Variants in SIRT3 observed in about 807,000 individuals in gnomAD.
SIRT3 encodes sirtuin 3.
SIRT3 carries 26 observed loss-of-function variants against 33.5 expected under a neutral mutation model. The ratio of observed to expected loss-of-function variants is 0.78; its 90% confidence interval spans 0.57 to 1.08. The LOEUF (loss-of-function observed/expected upper bound fraction) is 1.08. Among genes scored for constraint, SIRT3 ranks in the 50% least tolerant of loss-of-function variants. The pLI is 0.00. For missense variants in SIRT3, 585 were observed against 530.1 expected, an observed-to-expected ratio of 1.10 and a Z score of -1.02; for synonymous variants, 237 against 222.1, an observed-to-expected ratio of 1.07 and a Z score of -0.60.
intron 5 of SIRT3, among the ~76,000 whole-genome samples, chr11:220,768 C>T (rs61481998): frequency 6.4e-4 from 94 of 146,350 alleles, no homozygotes; most frequent in Middle Eastern, 3.8e-3. Context: ...GGATATTCAC[C>T]ACAGCATTTA....
rs1386452385 is a variant in SIRT3 at position 233,410 on chromosome 11, C to A, written c.406G>T (p.Ala136Ser). Residue 136 changes from alanine (A) to serine (S), a missense_variant, in exon 2 of 7, where the codon GCC becomes TCC. Coordinates refer to ENST00000382743, the MANE Select transcript of SIRT3 (RefSeq NM_012239.6). ...QDVAELIRAR[A>S]CQRVVVMVGA... The stretch of plus-strand genomic sequence containing the variant: ...ACCATGACCACCACCCTCTGGCAGG[C>A]TCTGGCCCGAATCAGCTCAGCTACA... The A allele has an allele frequency of 6.2e-7, 1 of 1,614,098 alleles. No individual in the cohort carries two copies. Among genetic ancestry groups the A allele is most frequent in the East Asian group, 2.2e-5 (1 of 44,872 alleles).
chr11:219,397 C>T (rs775309182), intron 5 of SIRT3, among the ~76,000 whole-genome samples: 3 of 152,286 alleles, frequency 2.0e-5, no homozygotes, highest in Admixed American at 6.5e-5. Flanking sequence ...CCCAGCATGA[C>T]GCAGAGGGAC....
Position 233,158 on chromosome 11 carries a change from C to T in SIRT3, c.531G>A (p.Glu177=), listed in dbSNP as rs1193394545. Residue 177 remains glutamate (E), a synonymous_variant, in exon 3 of 7, where the codon GAG becomes GAA. Coordinates refer to ENST00000382743, the MANE Select transcript of SIRT3 (RefSeq NM_012239.6). ...NLQQYDLPYP[E]AIFELPFFFH... ...AGAAGAATGGGAGTTCAAAAATGGC[C>T]TCGGGGTACGGGAGATCGTACTGCT... 3 of 1,613,992 alleles carry T rather than the reference C, an allele frequency of 1.9e-6. No homozygotes were observed. Among genetic ancestry groups the T allele is most frequent in the Admixed American group, 1.7e-5 (1 of 59,978 alleles).
intron 5 of SIRT3, among the ~76,000 whole-genome samples, chr11:221,112 G>A (rs1856389824): frequency 6.6e-6 from 1 of 152,220 alleles, no homozygotes; most frequent in Non-Finnish European, 1.5e-5. Context: ...AGTAGATAAG[G>A]ATGATACACA....
intron 1 of SIRT3, 92 bp downstream of exon 1, chr11:235,956 A>C: frequency 4.4e-6 from 6 of 1,356,394 alleles, no homozygotes; most frequent in Non-Finnish European, 5.8e-6. Flanking sequence ...AAACTCCCAG[A>C]CATGCCGCAA....
chr11:216,517 G>T lies in SIRT3; in HGVS notation c.*181C>A, dbSNP rs544139712. On this transcript the variant is annotated 3_prime_UTR_variant, in exon 7 of 7. Transcript: ENST00000382743. ...CGGGGTGGCCCTGACTGTAAACACA[G>T]CCCTACCAGTCACTGCAGCTCATGG... is the stretch of plus-strand genomic sequence containing the variant. 20 of 669,190 alleles carry T rather than the reference G, an allele frequency of 3.0e-5. No homozygotes were observed. In the South Asian group the frequency reaches 3.3e-4, roughly 11 times the overall value. 41.5% of individuals were successfully genotyped at this position (669,190 alleles called of 1,614,324 possible).
intron 4 of SIRT3, among the ~76,000 whole-genome samples, chr11:226,350 G>A (rs1469589652): frequency 6.6e-6 from 1 of 152,088 alleles, no homozygotes; most frequent in African/African-American, 2.4e-5. Flanking sequence ...GGTTTCTCTG[G>A]GGTTCCCTTG....
chr11:233,733 G>A, intron 1 of SIRT3, 199 bp from the exon 2 acceptor site: 1 of 589,422 alleles, frequency 1.7e-6, no homozygotes, highest in Non-Finnish European at 2.9e-6. Flanking sequence ...CAGAAATCAA[G>A]ACTTACTTGG....
intron 4 of SIRT3, among the ~76,000 whole-genome samples, chr11:227,897 C>A (rs1197090300): frequency 6.6e-6 from 1 of 152,224 alleles, no homozygotes; most frequent in African/African-American, 2.4e-5. Context: ...GCTGGAATTA[C>A]AGGCGTGAGC....
intron 4 of SIRT3, chr11:225,610 A>G (rs1204404257): frequency 1.3e-5 from 2 of 149,626 alleles, no homozygotes; most frequent in East Asian, 2.4e-4. Flanking sequence ...GAAACACTCA[A>G]TGGAAGGACC....
chr11:236,162 GC>G lies in SIRT3; in HGVS notation c.166del (p.Ala56ProfsTer73). ...VSAGLRGSHG[A>X]RGEPLDPARP... ...CGCCGGGTCCAAGGGCTCACCGCGGGCCCCATGGCTGCCTCTCAGCCCCGCA... is the reference window on the plus strand; with the variant it reads ...CGCCGGGTCCAAGGGCTCACCGCGGGCCCATGGCTGCCTCTCAGCCCCGCA... On this transcript the variant is annotated frameshift_variant, in exon 1 of 7. Coordinates refer to ENST00000382743, the MANE Select transcript of SIRT3 (RefSeq NM_012239.6). LOFTEE classifies it high-confidence loss of function. The G allele has an allele frequency of 6.4e-7, 1 of 1,566,756 alleles. No individual in the cohort carries two copies. The highest frequency in any genetic ancestry group is 1.7e-4 in the Middle Eastern group (1 of 5,998).
rs1859085616 is a variant in SIRT3, at chr11:236,246, A to C, written c.83T>G (p.Val28Gly). The stretch of plus-strand genomic sequence containing the variant: ...ACAGCCGCAGGCCTGAAACGGCCCC[A>C]CGCCTCCCCCGGCCTCGACCCGTTC... ...VVERVEAGGGVGPFQACGCRL... is the reference protein window; with the variant it reads ...VVERVEAGGGGGPFQACGCRL... Residue 28 changes from valine (V) to glycine (G), a missense_variant, in exon 1 of 7, where the codon GTG becomes GGG. Coordinates refer to ENST00000382743, the MANE Select transcript of SIRT3 (RefSeq NM_012239.6). 5 of 1,550,462 alleles carry C rather than the reference A, an allele frequency of 3.2e-6. No individual in the cohort carries two copies. The highest frequency in any genetic ancestry group is 4.3e-6 in the Non-Finnish European group (5 of 1,152,186).
intron 3 of SIRT3, among the ~76,000 whole-genome samples, chr11:232,157 G>A (rs1017833835): frequency 6.6e-6 from 1 of 151,516 alleles, no homozygotes; most frequent in Non-Finnish European, 1.5e-5. Flanking sequence ...TCCCTCTGTC[G>A]CCCAGGCTGG....
chr11:233,222 G>C lies in SIRT3; in HGVS notation c.474-7C>G, dbSNP rs577213971. ...CAGGCCACTCCCCGGCGATCTGCAG[G>C]GAGAGAAGAAAGGCTCTGAGGCCTT... On this transcript the variant is annotated splice_polypyrimidine_tract_variant and splice_region_variant and intron_variant, in intron 2 of 6. Transcript: ENST00000382743. The C allele has an allele frequency of 6.2e-7, 1 of 1,612,022 alleles. No individual in the cohort carries two copies. The highest frequency in any genetic ancestry group is 1.1e-5 in the South Asian group (1 of 90,982).
intron 3 of SIRT3, among the ~76,000 whole-genome samples, chr11:232,452 T>C (rs568991569): frequency 6.6e-6 from 1 of 152,258 alleles, no homozygotes; most frequent in East Asian, 1.9e-4. Context: ...TAAAGTATTC[T>C]CTAGAGCTAT....
chr11:217,729 G>A (rs1855853646), intron 6 of SIRT3, among the ~76,000 whole-genome samples: 1 of 152,210 alleles, frequency 6.6e-6, no homozygotes, highest in African/African-American at 2.4e-5. Flanking sequence ...CTGTGGACAA[G>A]GAAAAAGGAT....
intron 5 of SIRT3, among the ~76,000 whole-genome samples, chr11:220,643 A>C (rs1356004568): frequency 6.6e-6 from 1 of 152,248 alleles, no homozygotes; most frequent in Admixed American, 6.5e-5. Flanking sequence ...TGGCTACATA[A>C]AAACACAGTT....
chr11:220,090 G>A (rs955112595), intron 5 of SIRT3, among the ~76,000 whole-genome samples: 1 of 151,986 alleles, frequency 6.6e-6, no homozygotes, highest in African/African-American at 2.4e-5. Flanking sequence ...AGCACTTTGG[G>A]AGGCCGAGGC....
rs1410041009 is a variant in SIRT3, at chr11:223,490, C to T, written c.969+588G>A. 2 of 316,420 alleles carry T rather than the reference C, an allele frequency of 6.3e-6. No homozygotes were observed. Among genetic ancestry groups the T allele is most frequent in the South Asian group, 5.5e-5 (2 of 36,454 alleles). 19.6% of individuals were successfully genotyped at this position (316,420 alleles called of 1,614,324 possible). On this transcript the variant is annotated intron_variant, in intron 5 of 6. Transcript: ENST00000382743. The surrounding 1 kb of genome is among the most constrained non-coding windows in gnomAD (Gnocchi z 4.8). ...TGCTCCACTCTCCACTCCCCAAAGG[C>T]CTCCCTGACCCCAAGGGTGCAGCTA...
Sources: gnomAD v4.1 joint callset for allele counts (sites outside exome capture counted in the v4.1 genomes callset) on GRCh38, gnomAD v4.1.1 for gene constraint, Gnocchi (gnomAD v3.1) non-coding constraint, MANE v1.5 for transcripts, NCBI Gene and HGNC (gene_info 2026-07-23, HGNC 2026-07-21) for gene names.